The following TIAM1 variants were observed in gnomAD, a reference collection of about 807,000 sequenced individuals.
TIAM1 encodes the protein TIAM Rac1 associated GEF 1.
Under a neutral mutation model 163.5 loss-of-function variants are expected in TIAM1, and 65 were observed. That is an observed-to-expected ratio of 0.40 (90% CI 0.33 to 0.49). The LOEUF (loss-of-function observed/expected upper bound fraction) is 0.49. TIAM1 is among the 20% of genes least tolerant of loss of function. The pLI, the probability that TIAM1 is intolerant of heterozygous loss-of-function variation, is 0.77. For synonymous variants in TIAM1, 833 were observed against 810.1 expected (o/e 1.03, Z -0.48); for missense variants, 1,789 against 2,044.7 (o/e 0.87, Z 2.41).
intron 6 of TIAM1, among the ~76,000 whole-genome samples, chr21:31,242,721 A>C (rs560640899): frequency 6.6e-6 from 1 of 152,038 alleles, no homozygotes; most frequent in Non-Finnish European, 1.5e-5. Flanking sequence ...AAACAACAAT[A>C]AAGTGGGTTG....
chr21:31,445,573 T>C (rs1195657835), intron 2 of TIAM1, among the ~76,000 whole-genome samples: 3 of 152,174 alleles, frequency 2.0e-5, no homozygotes, highest in Non-Finnish European at 4.4e-5. Flanking sequence ...TACATGGAAT[T>C]CTATCACCCC....
intron 2 of TIAM1, among the ~76,000 whole-genome samples, chr21:31,438,565 A>G (rs1178674669): frequency 6.6e-6 from 1 of 152,062 alleles, no homozygotes; most frequent in Non-Finnish European, 1.5e-5. Context: ...GAATGAAAAG[A>G]TCTGTGCACA....
chr21:31,270,109 T>C (rs952715465), intron 3 of TIAM1, among the ~76,000 whole-genome samples: 2 of 152,258 alleles, frequency 1.3e-5, no homozygotes, highest in African/African-American at 2.4e-5. Flanking sequence ...TTGCATTTTA[T>C]ATTTGTGTGG....
At chr21:31,549,945 G>A (rs2123312555) in intron 1 of TIAM1, among the ~76,000 whole-genome samples, 1 of 152,192 alleles carries the variant, frequency 6.6e-6, no homozygotes, top group South Asian at 2.1e-4. Flanking sequence ...CCAACATGGT[G>A]AAACTCTGTC....
chr21:31,353,303 G>A (rs916975141), intron 2 of TIAM1, among the ~76,000 whole-genome samples: 27 of 152,124 alleles, frequency 1.8e-4, no homozygotes, highest in African/African-American at 4.1e-4. Context: ...CCCTCAACTC[G>A]CAGTAATTTC....
At chr21:31,203,866 C>A (rs1046198517) in intron 11 of TIAM1, among the ~76,000 whole-genome samples, 1 of 152,112 alleles carries the variant, frequency 6.6e-6, no homozygotes, top group Non-Finnish European at 1.5e-5. Context: ...TTATATACTC[C>A]CCAAGTGAGA....
At chr21:31,475,037 A>G (rs1262339629) in intron 1 of TIAM1, among the ~76,000 whole-genome samples, 4 of 64,336 alleles carry the variant, frequency 6.2e-5, no homozygotes, top group Non-Finnish European at 9.6e-5. Flanking sequence ...TATTATTATT[A>G]TTATTATTAT....
chr21:31,210,309 A>G, intron 10 of TIAM1, 94 bp from the exon 11 acceptor site: 4 of 1,370,264 alleles, frequency 2.9e-6, no homozygotes, highest in Non-Finnish European at 4.0e-6. Flanking sequence ...GATTCCCATG[A>G]AAACAGCCCA....
At chr21:31,282,689 T>C (rs916283110) in intron 2 of TIAM1, among the ~76,000 whole-genome samples, 3 of 152,108 alleles carry the variant, frequency 2.0e-5, no homozygotes, top group African/African-American at 7.2e-5. Flanking sequence ...GGACTCCCAG[T>C]GAAAAACCAA....
At chr21:31,373,232 G>A (rs1251539132) in intron 2 of TIAM1, among the ~76,000 whole-genome samples, 1 of 152,206 alleles carries the variant, frequency 6.6e-6, no homozygotes, top group East Asian at 1.9e-4. Flanking sequence ...AGAGGTTGCA[G>A]TAAGGTGAGA....
At chr21:31,550,615 T>C (rs890009245) in intron 1 of TIAM1, among the ~76,000 whole-genome samples, 3 of 152,052 alleles carry the variant, frequency 2.0e-5, no homozygotes, top group African/African-American at 7.2e-5. Flanking sequence ...ATGTCTACTT[T>C]AAAAAGAGGT....
At chr21:31,485,729 A>C (rs2046250531) in intron 1 of TIAM1, among the ~76,000 whole-genome samples, 1 of 152,070 alleles carries the variant, frequency 6.6e-6, no homozygotes, top group African/African-American at 2.4e-5. Flanking sequence ...AACAATTCCA[A>C]CACCACCACC....
chr21:31,508,387 C>CTTT (rs200164021), intron 1 of TIAM1, among the ~76,000 whole-genome samples: 5 of 126,554 alleles, frequency 4.0e-5, no homozygotes, highest in Non-Finnish European at 6.7e-5. Context: ...ATTGAAATTT[C>CTTT]TTTTTTTTTT....
intron 10 of TIAM1, among the ~76,000 whole-genome samples, chr21:31,211,388 G>T (rs1051386461): frequency 6.6e-6 from 1 of 152,164 alleles, no homozygotes; most frequent in African/African-American, 2.4e-5. Context: ...ACATAATATT[G>T]ATGCTCAATA....
intron 23 of TIAM1, among the ~76,000 whole-genome samples, chr21:31,131,523 T>C (rs144455063): frequency 6.1e-4 from 93 of 152,346 alleles, no homozygotes; most frequent in African/African-American, 1.4e-3. Context: ...TTCATTCTTA[T>C]ATTCTTTCGG....
rs200252911 is a variant in TIAM1, at chr21:31,120,760, C to G, written c.4384G>C (p.Val1462Leu). 7 of 1,613,948 alleles carry G rather than the reference C, an allele frequency of 4.3e-6. No individual in the cohort carries two copies. In the Admixed American group the frequency reaches 1.2e-4, roughly 27 times the overall value. The change falls in exon 28 of 28, where the codon GTC becomes CTC. Residue 1462 changes from valine (V) to leucine (L), a missense_variant. Physicochemically the swap from Val to Leu is conservative, Grantham distance 32 (BLOSUM62 1). Transcript: ENST00000541036. This position sits in a 1 kb window ranked among gnomAD's most constrained non-coding sequence, Gnocchi z 4.2. ...TCTTTCTCCGGGCTGCTTGCGGAGA[C>G]GGCATCAGAATCAATGGTAAACCTG... is the stretch of plus-strand genomic sequence containing the variant. ...RNRFTIDSDA[V>L]SASSPEKESQ...
At chr21:31,383,630 T>C (rs989307398) in intron 2 of TIAM1, among the ~76,000 whole-genome samples, 1 of 152,180 alleles carries the variant, frequency 6.6e-6, no homozygotes, top group African/African-American at 2.4e-5. Flanking sequence ...ATTCCTGACA[T>C]GCCTTGGGAA....
intron 1 of TIAM1, among the ~76,000 whole-genome samples, chr21:31,468,751 G>A (rs558400365): frequency 7.9e-5 from 12 of 152,230 alleles, no homozygotes; most frequent in East Asian, 3.9e-4. Context: ...ACTCCAGCCT[G>A]GGTGACAGAG....
In TIAM1 at chr21:31,197,539, C is replaced by CTTTTTTTTTTTT. The variant is rs58141765; in HGVS notation, c.2494-2246_2494-2235dup. Among the ~76,000 whole-genome samples, 490 of 123,134 alleles carry CTTTTTTTTTTTT rather than the reference C, an allele frequency of 4.0e-3. 21 individuals carry two copies. The East Asian group carries it at 0.046, about 12-fold the overall frequency. 80.8% of individuals were successfully genotyped at this position (123,134 alleles called of 152,430 possible). A position where few individuals can be genotyped will look rare whatever the true frequency, so the allele number is the denominator to read the frequency against. The stretch of plus-strand genomic sequence containing the variant: ...TACAGGCGCCCGCCACCGCGCCCGG[C>CTTTTTTTTTTTT]TTTTTTTTTTTTTTTGTATTTTTAG... On this transcript the variant is annotated intron_variant, in intron 12 of 27. Transcript: ENST00000541036.
Sources: allele counts gnomAD v4.1 joint callset (sites outside exome capture counted in the v4.1 genomes callset), GRCh38; gene constraint gnomAD v4.1.1; non-coding constraint Gnocchi (gnomAD v3.1); transcripts MANE v1.5; gene names NCBI Gene and HGNC (gene_info 2026-07-23, HGNC 2026-07-21).